Variants in SLC24A1 observed in about 807,000 individuals in gnomAD.
The protein encoded by SLC24A1 is sodium/potassium/calcium exchanger 1.
SLC24A1 carries 52 observed loss-of-function variants against 88.1 expected under a neutral mutation model. That is an observed-to-expected ratio of 0.59 (90% CI 0.47 to 0.74). The LOEUF (loss-of-function observed/expected upper bound fraction) is 0.74, where lower values mean the gene tolerates loss of function less well. Ranked by LOEUF, SLC24A1 falls within the 30% of genes least tolerant of loss-of-function variation. The probability of loss-of-function intolerance (pLI) is 0.00; values close to 1 mark genes in which losing one functional copy is unlikely to be tolerated. For synonymous variants in SLC24A1, 455 were observed against 498.0 expected (o/e 0.91, Z 1.15); for missense variants, 1,173 against 1,363.3 (o/e 0.86, Z 2.20).
downstream of SLC24A1, chr15:65,657,971 G>C (rs941804078): frequency 6.6e-5 from 10 of 152,084 alleles, no homozygotes; most frequent in Non-Finnish European, 1.5e-4. Flanking sequence ...TGCTGCAATA[G>C]TTTTATCATA....
chr15:65,654,535 TCTC>T lies in SLC24A1; in HGVS notation c.*462_*464del, dbSNP rs1402829899. The T allele has an allele frequency of 3.4e-6, 4 of 1,182,974 alleles. No homozygotes were observed. The highest frequency in any genetic ancestry group is 3.8e-5 in the Admixed American group (1 of 26,110). 73.3% of individuals were successfully genotyped at this position (1,182,974 alleles called of 1,614,324 possible). A position where few individuals can be genotyped will look rare whatever the true frequency, so the allele number is the denominator to read the frequency against. On this transcript the variant is annotated 3_prime_UTR_variant, in exon 10 of 10. Transcript: ENST00000261892. Reference sequence around the variant, plus strand: ...GCCCCAAACACACGCTGCAATTTTGTCTCCTCCTTTTCTGTTCAAATTGTGAGG... The same window carrying T: ...GCCCCAAACACACGCTGCAATTTTGTCTCCTTTTCTGTTCAAATTGTGAGG...
chr15:65,616,123 T>C (rs559938978), intron 2 of SLC24A1, among the ~76,000 whole-genome samples: 120 of 152,220 alleles, frequency 7.9e-4, no homozygotes, highest in African/African-American at 2.8e-3. Context: ...TAATCCAGTC[T>C]ATCATTGATG....
downstream of SLC24A1, chr15:65,660,766 T>A (rs569135755): frequency 6.5e-6 from 1 of 153,218 alleles, no homozygotes; most frequent in Non-Finnish European, 1.5e-5. Context: ...TCTATCTGGC[T>A]GTACTTTTAG....
At chr15:65,657,651 GAAAA>G (rs1337286843), downstream of SLC24A1, among the ~76,000 whole-genome samples, 1 of 152,180 alleles carries the variant, frequency 6.6e-6, no homozygotes, top group Non-Finnish European at 1.5e-5. Flanking sequence ...CAAAAAAAAA[GAAAA>G]AATAAATAAT....
At position 65,624,588 on chromosome 15, in the gene SLC24A1, C is replaced by T. The variant is rs781205450; in HGVS notation, c.508C>T (p.Pro170Ser). The change falls in exon 2 of 10, where the codon CCC becomes TCC. Residue 170 changes from proline (P) to serine (S), a missense_variant. Coordinates refer to ENST00000261892, the MANE Select transcript of SLC24A1 (RefSeq NM_004727.3). ...RQIVKKYTPTPRGEMKSYSPT... is the reference protein window; with the variant it reads ...RQIVKKYTPTSRGEMKSYSPT... ...AATAGTAAAAAAGTATACCCCAACACCCAGGGGAGAAATGAAGAGCTACAG... is the reference window on the plus strand; with the variant it reads ...AATAGTAAAAAAGTATACCCCAACATCCAGGGGAGAAATGAAGAGCTACAG... 6.3e-6 allele frequency: 10 copies of T among 1,594,334 alleles called. No individual in the cohort carries two copies. Among genetic ancestry groups the T allele is most frequent in the Non-Finnish European group, 8.5e-6 (10 of 1,170,506 alleles).
rs1021046933 is a variant in SLC24A1 at position 65,655,190 on chromosome 15, G to A, written c.*1111G>A. ...ATGTTCTCACCCAACAATGACAGTT[G>A]AGTGGAGTGGGAAGGGAAGTCATTC... On this transcript the variant is annotated 3_prime_UTR_variant, in exon 10 of 10. Transcript: ENST00000261892. 9 of 987,048 alleles carry A rather than the reference G, an allele frequency of 9.1e-6. No individual in the cohort carries two copies. The Admixed American group carries it at 5.4e-4, about 60-fold the overall frequency. The allele number at this position is 987,048 out of a possible 1,614,324, so 61.1% of individuals were successfully genotyped here. A position where few individuals can be genotyped will look rare whatever the true frequency, so the allele number is the denominator to read the frequency against.
Position 65,625,118 on chromosome 15 carries a change from G to A in SLC24A1, c.1038G>A (p.Arg346=), listed in dbSNP as rs1456958685. 5 of 1,613,458 alleles carry A rather than the reference G, an allele frequency of 3.1e-6. No homozygotes were observed. The African/African-American group carries it at 5.3e-5, about 17-fold the overall frequency. ...TKAFTAAWSL[R]NPSPRTSVSA... ...CCTTCACTGCTGCCTGGAGTCTTAG[G>A]AATCCTTCACCCAGGACCAGTGTAT... The change falls in exon 2 of 10, where the codon AGG becomes AGA. Residue 346 remains arginine, a synonymous_variant. Coordinates refer to ENST00000261892, the MANE Select transcript of SLC24A1 (RefSeq NM_004727.3).
At chr15:65,620,202 G>A (rs2074276436), upstream of SLC24A1, among the ~76,000 whole-genome samples, 1 of 152,000 alleles carries the variant, frequency 6.6e-6, no homozygotes, top group Non-Finnish European at 1.5e-5. Context: ...AGACAGGCAA[G>A]TTCCCTGTCT....
At position 65,625,737 on chromosome 15, in the gene SLC24A1, C is replaced by T; in HGVS notation, c.1657C>T (p.Leu553Phe). ...CSLFSREILNLTWWPLFRDVS... is the reference protein window; with the variant it reads ...CSLFSREILNFTWWPLFRDVS... Reference sequence around the variant, plus strand: ...CCTCTTCTCCCGAGAGATCCTCAACCTCACCTGGTGGCCCTTATTCCGTGA... The same window carrying T: ...CCTCTTCTCCCGAGAGATCCTCAACTTCACCTGGTGGCCCTTATTCCGTGA... Residue 553 changes from leucine to phenylalanine, a missense_variant, in exon 2 of 10, where the codon CTC (leucine) becomes TTC (phenylalanine). Physicochemically the swap from Leu to Phe is conservative, Grantham distance 22 (BLOSUM62 0). Transcript: ENST00000261892. 1 of 1,614,044 alleles carries T rather than the reference C, an allele frequency of 6.2e-7. No homozygotes were observed. Among genetic ancestry groups the T allele is most frequent in the Non-Finnish European group, 8.5e-7 (1 of 1,179,888 alleles).
At chr15:65,638,330 G>T in intron 3 of SLC24A1, 149 bp downstream of exon 3, 1 of 623,682 alleles carries the variant, frequency 1.6e-6, no homozygotes. Flanking sequence ...TGAGGCAAGG[G>T]AGGAGAGGGC....
At position 65,656,210 on chromosome 15, in the gene SLC24A1, T is replaced by C; in HGVS notation, c.*2131T>C. ...TGGACCGTAAAATGCTGTGTAATGATAAAAGGCTGAAATATCCACTGAATG... is the reference window on the plus strand; with the variant it reads ...TGGACCGTAAAATGCTGTGTAATGACAAAAGGCTGAAATATCCACTGAATG... On this transcript the variant is annotated 3_prime_UTR_variant, in exon 10 of 10. Transcript: ENST00000261892. 1 of 984,804 alleles carries C rather than the reference T, an allele frequency of 1.0e-6. No homozygotes were observed. Among genetic ancestry groups the C allele is most frequent in the Non-Finnish European group, 1.2e-6 (1 of 829,366 alleles). The allele number at this position is 984,804 out of a possible 1,614,324, so 61.0% of individuals were successfully genotyped here.
At chr15:65,643,009 A>G (rs1315200485) in intron 4 of SLC24A1, 1 of 1,289,348 alleles carries the variant, frequency 7.8e-7, no homozygotes. Flanking sequence ...CTTCCCAGGT[A>G]GGACAGCTGC....
At chr15:65,630,816 C>A (rs570506209) in intron 2 of SLC24A1, among the ~76,000 whole-genome samples, 1 of 152,106 alleles carries the variant, frequency 6.6e-6, no homozygotes. Flanking sequence ...ACTAAAAATA[C>A]AAAAATTTGC....
chr15:65,650,740 A>G lies in SLC24A1; in HGVS notation c.2591A>G (p.Glu864Gly), dbSNP rs1566965513. The change falls in exon 7 of 10, where the codon GAG becomes GGG. Residue 864 changes from glutamate (E) to glycine (G), a missense_variant. Physicochemically the swap from Glu to Gly is moderately conservative, Grantham distance 98 (BLOSUM62 -2). Transcript: ENST00000261892. This position sits in a 1 kb window ranked among gnomAD's most constrained non-coding sequence, Gnocchi z 4.1. ...GGAGGGGATAGCGAAGAGGAGGAAG[A>G]GGAGGAGGAAGAGCAGGAGGAAGAG... Reference protein sequence around the residue: ...SDGGDSEEEEEEEEEQEEEEE... With the variant: ...SDGGDSEEEEGEEEEQEEEEE... 6 of 1,592,632 alleles carry G rather than the reference A, an allele frequency of 3.8e-6. No individual in the cohort carries two copies. Among genetic ancestry groups the G allele is most frequent in the Non-Finnish European group, 5.1e-6 (6 of 1,169,520 alleles).
chr15:65,630,064 A>G (rs1019434642), intron 2 of SLC24A1, among the ~76,000 whole-genome samples: 18 of 152,292 alleles, frequency 1.2e-4, no homozygotes, highest in Non-Finnish European at 2.4e-4. Flanking sequence ...TCCCAGACTC[A>G]GGCAGTCTCC....
chr15:65,657,407 C>T (rs760657378), downstream of SLC24A1, among the ~76,000 whole-genome samples: 15 of 151,644 alleles, frequency 9.9e-5, no homozygotes, highest in Non-Finnish European at 2.1e-4. Context: ...TTTGGGAGGC[C>T]AAGGTGGGCG....
At chr15:65,631,527 AG>A (rs2074724471) in intron 2 of SLC24A1, among the ~76,000 whole-genome samples, 1 of 152,166 alleles carries the variant, frequency 6.6e-6, no homozygotes, top group African/African-American at 2.4e-5. Context: ...CAGAATGAGA[AG>A]GGAAACCACC....
chr15:65,636,824 C>T lies in SLC24A1; in HGVS notation c.1891-1304C>T, dbSNP rs369133457. Among the ~76,000 whole-genome samples, 27 of 151,292 alleles carry T rather than the reference C, an allele frequency of 1.8e-4. No homozygotes were observed. The East Asian group carries it at 2.7e-3, about 15-fold the overall frequency. ...CCAGGAGGGGGAGGTTGCAGTGAGG[C>T]GATATTGCACCACTGCACTCCAGCG... On this transcript the variant is annotated intron_variant, in intron 2 of 9. Coordinates refer to ENST00000261892, the MANE Select transcript of SLC24A1 (RefSeq NM_004727.3).
At chr15:65,651,354 G>A (rs1442947408) in intron 7 of SLC24A1, among the ~76,000 whole-genome samples, 1 of 152,126 alleles carries the variant, frequency 6.6e-6, no homozygotes, top group East Asian at 1.9e-4. Context: ...GAAAGGAATG[G>A]TACAAGGAGG....
Sources: allele counts gnomAD v4.1 joint callset (sites outside exome capture counted in the v4.1 genomes callset), GRCh38; gene constraint gnomAD v4.1.1; non-coding constraint Gnocchi (gnomAD v3.1); transcripts MANE v1.5; gene names NCBI Gene and HGNC (gene_info 2026-07-23, HGNC 2026-07-21).